The following LRIG1 variants were observed in gnomAD, a reference collection of about 807,000 sequenced individuals.
LRIG1 encodes leucine rich repeats and immunoglobulin like domains 1.
In LRIG1, 48 loss-of-function variants were observed where a neutral mutation model predicts 99.2. The observed-to-expected ratio is 0.48, with a 90% CI of 0.38 to 0.62. LRIG1 has a LOEUF of 0.62. Among genes scored for constraint, LRIG1 ranks in the 20% least tolerant of loss-of-function variants. The pLI is 0.00. For synonymous variants in LRIG1, 772 were observed against 596.1 expected (o/e 1.29, Z -4.30); for missense variants, 1,646 against 1,434.4 (o/e 1.15, Z -2.38).
chr3:66,405,798 G>A (rs1237845035), intron 8 of LRIG1: 2 of 1,183,966 alleles, frequency 1.7e-6, no homozygotes, highest in Non-Finnish European at 1.1e-6. Flanking sequence ...CCCAAGGCCT[G>A]CAGGGCGCTG....
chr3:66,421,318 C>A (rs925210367), intron 3 of LRIG1, among the ~76,000 whole-genome samples: 11 of 152,212 alleles, frequency 7.2e-5, no homozygotes, highest in African/African-American at 2.4e-4. Flanking sequence ...TCTTCTGAGA[C>A]AATGCAAGTC....
chr3:66,460,865 G>T (rs1700340076), intron 2 of LRIG1, among the ~76,000 whole-genome samples: 1 of 152,160 alleles, frequency 6.6e-6, no homozygotes. Context: ...TTTAACTGTG[G>T]AAGCCTAAAC....
chr3:66,479,785 A>G (rs1267620044), intron 1 of LRIG1, among the ~76,000 whole-genome samples: 24 of 152,346 alleles, frequency 1.6e-4, no homozygotes, highest in Non-Finnish European at 4.4e-5. Flanking sequence ...ATTTAAAAAG[A>G]CAGATAATAG....
chr3:66,414,668 T>C (rs762198411), intron 5 of LRIG1, among the ~76,000 whole-genome samples: 2 of 152,214 alleles, frequency 1.3e-5, no homozygotes, highest in Non-Finnish European at 2.9e-5. Context: ...GCAGGACTCC[T>C]GATTCCATTT....
chr3:66,436,866 G>C (rs1363954322), intron 3 of LRIG1, among the ~76,000 whole-genome samples: 1 of 152,176 alleles, frequency 6.6e-6, no homozygotes, highest in African/African-American at 2.4e-5. Context: ...ATAGAGCTAT[G>C]ATGAAATGAT....
chr3:66,380,144 C>G lies in LRIG1; in HGVS notation c.*119G>C. ...CCAAGTCCTGTGAGCGACTGATACT[C>G]CACATGGGAGTTACAACTATGTACA... On this transcript the variant is annotated 3_prime_UTR_variant, in exon 19 of 19. Transcript: ENST00000273261. 1 of 767,644 alleles carries G rather than the reference C, an allele frequency of 1.3e-6. No individual in the cohort carries two copies. The highest frequency in any genetic ancestry group is 2.1e-6 in the Non-Finnish European group (1 of 485,206). The allele number at this position is 767,644 out of a possible 1,614,324, so 47.6% of individuals were successfully genotyped here.
At chr3:66,410,392 C>G in intron 6 of LRIG1, 120 bp from the exon 7 acceptor site, 1 of 937,886 alleles carries the variant, frequency 1.1e-6, no homozygotes. Context: ...GAACAGTGCA[C>G]GACAGAACTG....
At chr3:66,414,890 CTTAA>C in intron 5 of LRIG1, 26 bp downstream of exon 5, 1 of 1,533,552 alleles carries the variant, frequency 6.5e-7, no homozygotes, top group Non-Finnish European at 8.8e-7. Flanking sequence ...TTTGGCTAGC[CTTAA>C]TTAAAGTGTA....
At chr3:66,383,470 T>G (rs1222178883) in intron 14 of LRIG1, 69 bp from the exon 15 acceptor site, 9 of 1,363,922 alleles carry the variant, frequency 6.6e-6, no homozygotes, top group Non-Finnish European at 9.0e-6. Context: ...CCCGGTCTTC[T>G]GGACAACGGA....
At chr3:66,400,386 G>C (rs1386586124) in intron 9 of LRIG1, among the ~76,000 whole-genome samples, 1 of 152,174 alleles carries the variant, frequency 6.6e-6, no homozygotes, top group Non-Finnish European at 1.5e-5. Flanking sequence ...AGACTACCAG[G>C]GAACAACCAA....
intron 1 of LRIG1, among the ~76,000 whole-genome samples, chr3:66,482,421 T>A (rs561397283): frequency 2.0e-4 from 31 of 152,304 alleles, no homozygotes; most frequent in African/African-American, 7.5e-4. Flanking sequence ...TCTGGGAGTA[T>A]CCTGTGTAAA....
intron 1 of LRIG1, among the ~76,000 whole-genome samples, chr3:66,482,020 T>C (rs1419587025): frequency 6.6e-6 from 1 of 152,224 alleles, no homozygotes; most frequent in African/African-American, 2.4e-5. Context: ...TCCTGAAAGG[T>C]TCTCAGCCAC....
At chr3:66,408,958 G>C (rs1209872753) in intron 7 of LRIG1, among the ~76,000 whole-genome samples, 5 of 125,826 alleles carry the variant, frequency 4.0e-5, no homozygotes, top group Non-Finnish European at 5.1e-5. Flanking sequence ...GTGTGTGTGT[G>C]TGTGGTGGGG....
intron 1 of LRIG1, among the ~76,000 whole-genome samples, chr3:66,488,045 T>C (rs1198768923): frequency 6.6e-6 from 1 of 152,086 alleles, no homozygotes; most frequent in Non-Finnish European, 1.5e-5. Context: ...GAAGTTTCGT[T>C]TTATGAAAAT....
At chr3:66,470,716 T>C (rs1380099129) in intron 1 of LRIG1, among the ~76,000 whole-genome samples, 1 of 152,208 alleles carries the variant, frequency 6.6e-6, no homozygotes, top group Non-Finnish European at 1.5e-5. Flanking sequence ...TTAAAAGTTC[T>C]GAACTAGATA....
chr3:66,399,153 T>G, intron 9 of LRIG1, 112 bp from the exon 10 acceptor site: 2 of 881,970 alleles, frequency 2.3e-6, no homozygotes, highest in South Asian at 3.0e-5. Flanking sequence ...TGCTACCTGA[T>G]AAGTCTGTCC....
intron 17 of LRIG1, 115 bp from the exon 18 acceptor site, chr3:66,380,976 C>G: frequency 1.0e-6 from 1 of 1,002,466 alleles, no homozygotes; most frequent in Non-Finnish European, 1.5e-6. Context: ...ACTGCAAACA[C>G]TGTATGCATG....
Position 66,459,110 on chromosome 3 carries a change from A to C in LRIG1, c.290+3328T>G, listed in dbSNP as rs948422053. The stretch of plus-strand genomic sequence containing the variant: ...CAAAGGTTTATTAGCACACTGCTAC[A>C]ATTACTGTGACTGTTCCTAAGTGAG... On this transcript the variant is annotated intron_variant, in intron 2 of 18. Transcript: ENST00000273261. Among the ~76,000 whole-genome samples the C allele has an allele frequency of 2.0e-5, 3 of 152,316 alleles. No homozygotes were observed. In the East Asian group the frequency reaches 5.8e-4, roughly 29 times the overall value.
rs140065796 is a variant in LRIG1, at chr3:66,454,514, C to T, written c.291-2881G>A. ...CTCTCACCCCCTACCCGCCAATTTA[C>T]TTCCCCTGCCGACGCCCATCTCTCC... is the stretch of plus-strand genomic sequence containing the variant. On this transcript the variant is annotated intron_variant, in intron 2 of 18. Coordinates refer to ENST00000273261, the MANE Select transcript of LRIG1 (RefSeq NM_015541.3). Among the ~76,000 whole-genome samples, 524 of 152,284 alleles carry T rather than the reference C, an allele frequency of 3.4e-3. 3 individuals are homozygous for T. The highest frequency in any genetic ancestry group is 0.018 in the South Asian group (88 of 4,832).
Sources: allele counts gnomAD v4.1 joint callset (sites outside exome capture counted in the v4.1 genomes callset), GRCh38; gene constraint gnomAD v4.1.1; transcripts MANE v1.5; gene names NCBI Gene and HGNC (gene_info 2026-07-23, HGNC 2026-07-21).